The following ZNF385D variants were observed in gnomAD, a reference collection of about 807,000 sequenced individuals.
ZNF385D encodes the protein zinc finger protein 659.
Under a neutral mutation model 35.8 loss-of-function variants are expected in ZNF385D, and 15 were observed. The observed-to-expected ratio is 0.42, with a 90% CI of 0.28 to 0.64. ZNF385D has a LOEUF of 0.64. Ranked by LOEUF, ZNF385D falls within the 30% of genes least tolerant of loss-of-function variation. The pLI is 0.23. For missense variants in ZNF385D, 474 were observed against 494.6 expected (o/e 0.96, Z 0.39); for synonymous variants, 212 against 186.8 (o/e 1.13, Z -1.10).
At chr3:22,119,630 C>T (rs1237672574) in intron 3 of ZNF385D, among the ~76,000 whole-genome samples, 1 of 152,052 alleles carries the variant, frequency 6.6e-6, no homozygotes, top group African/African-American at 2.4e-5. Context: ...GCTTTTATAG[C>T]TAGCTTATGG....
intron 2 of ZNF385D, among the ~76,000 whole-genome samples, chr3:21,619,914 A>G (rs1182976139): frequency 6.6e-6 from 1 of 152,176 alleles, no homozygotes; most frequent in East Asian, 1.9e-4. Flanking sequence ...GGTTCTTTGC[A>G]TGCAGCAGCC....
intron 3 of ZNF385D, among the ~76,000 whole-genome samples, chr3:21,796,372 A>G (rs2072151368): frequency 6.6e-6 from 1 of 152,200 alleles, no homozygotes; most frequent in African/African-American, 2.4e-5. Flanking sequence ...ATAAATATAA[A>G]TGCAAAAATC....
At chr3:21,965,743 G>C (rs1414973260) in intron 3 of ZNF385D, among the ~76,000 whole-genome samples, 1 of 152,146 alleles carries the variant, frequency 6.6e-6, no homozygotes, top group Non-Finnish European at 1.5e-5. Context: ...AACTTCTGTG[G>C]TAAGAGGATA....
intron 3 of ZNF385D, among the ~76,000 whole-genome samples, chr3:21,990,431 A>G (rs1695086236): frequency 6.6e-6 from 1 of 152,192 alleles, no homozygotes; most frequent in Non-Finnish European, 1.5e-5. Flanking sequence ...AGCTCATAAT[A>G]TTGCCTGTGC....
chr3:21,758,023 T>C (rs1415965835), intron 3 of ZNF385D, among the ~76,000 whole-genome samples: 1 of 152,204 alleles, frequency 6.6e-6, no homozygotes, highest in Non-Finnish European at 1.5e-5. Flanking sequence ...CCTTTTCTGT[T>C]CCCCTTTATT....
chr3:21,916,439 A>G (rs956748417), intron 3 of ZNF385D, among the ~76,000 whole-genome samples: 7 of 152,154 alleles, frequency 4.6e-5, no homozygotes, highest in Non-Finnish European at 7.4e-5. Context: ...CTTATGTCTA[A>G]AATATAATCT....
At chr3:22,363,244 G>A (rs906366599) in intron 2 of ZNF385D, among the ~76,000 whole-genome samples, 1 of 152,046 alleles carries the variant, frequency 6.6e-6, no homozygotes, top group Non-Finnish European at 1.5e-5. Context: ...TCCCCAAAGA[G>A]TCAAGCAGAC....
chr3:22,194,887 A>G (rs1441619546), intron 2 of ZNF385D, among the ~76,000 whole-genome samples: 1 of 151,916 alleles, frequency 6.6e-6, no homozygotes, highest in East Asian at 1.9e-4. Flanking sequence ...TTGCATATTC[A>G]TTCACCCCTT....
chr3:21,592,320 A>G (rs1174973416), intron 2 of ZNF385D, among the ~76,000 whole-genome samples: 1 of 152,042 alleles, frequency 6.6e-6, no homozygotes, highest in Non-Finnish European at 1.5e-5. Flanking sequence ...TCAGTATTCC[A>G]TCTGTATTCC....
chr3:21,685,151 A>C (rs2067064732), intron 1 of ZNF385D, among the ~76,000 whole-genome samples: 1 of 152,200 alleles, frequency 6.6e-6, no homozygotes, highest in African/African-American at 2.4e-5. Flanking sequence ...TTATTATTTC[A>C]AACAATTTCC....
chr3:21,578,094 G>A (rs2063547078), intron 2 of ZNF385D, among the ~76,000 whole-genome samples: 1 of 152,038 alleles, frequency 6.6e-6, no homozygotes, highest in Admixed American at 6.5e-5. Flanking sequence ...GGGACTACAG[G>A]TGCAAGCCAC....
rs1372248726 is a variant in ZNF385D, at chr3:21,846,765, C to T, written c.326-181737G>A. Reference sequence around the variant, plus strand: ...AAGGCTCAAAGAAGTGGCTTTCTAGCGGCTTAATGGTGCGCCCAGGAGAAG... The same window carrying T: ...AAGGCTCAAAGAAGTGGCTTTCTAGTGGCTTAATGGTGCGCCCAGGAGAAG... On this transcript the variant is annotated intron_variant, in intron 3 of 5. Transcript: ENST00000494108. Among the ~76,000 whole-genome samples, 7 of 152,044 alleles carry T rather than the reference C, an allele frequency of 4.6e-5. No individual in the cohort carries two copies. The East Asian group carries it at 1.2e-3, about 25-fold the overall frequency.
intron 2 of ZNF385D, among the ~76,000 whole-genome samples, chr3:22,257,134 A>G (rs1482903850): frequency 6.6e-6 from 1 of 151,794 alleles, no homozygotes; most frequent in Non-Finnish European, 1.5e-5. Context: ...TTGTACAGTA[A>G]TTTTTCAATA....
At chr3:22,147,735 A>G (rs1341838499) in intron 3 of ZNF385D, among the ~76,000 whole-genome samples, 1 of 152,098 alleles carries the variant, frequency 6.6e-6, no homozygotes, top group African/African-American at 2.4e-5. Context: ...CTCAGCAAAT[A>G]TTTTCTCCAC....
At chr3:21,741,030 G>A (rs1298109173) in intron 1 of ZNF385D, among the ~76,000 whole-genome samples, 1 of 151,658 alleles carries the variant, frequency 6.6e-6, no homozygotes, top group East Asian at 1.9e-4. Context: ...AGGTGCCAAT[G>A]GAATAACTCA....
chr3:22,347,120 A>G (rs1575167428), intron 2 of ZNF385D, among the ~76,000 whole-genome samples: 1 of 152,126 alleles, frequency 6.6e-6, no homozygotes, highest in Non-Finnish European at 1.5e-5. Flanking sequence ...TTTGCACCAT[A>G]TTGTATGTTT....
Position 22,213,244 on chromosome 3 carries a change from T to C in ZNF385D, c.107-44209A>G, listed in dbSNP as rs571245958. Among the ~76,000 whole-genome samples, 4 of 151,954 alleles carry C rather than the reference T, an allele frequency of 2.6e-5. No homozygotes were observed. In the East Asian group the frequency reaches 7.8e-4, roughly 29 times the overall value. The stretch of plus-strand genomic sequence containing the variant: ...CTTTCTCTCAAAGGACAGATAGGCT[T>C]TGTGGGCCACATACAGTCTCTGATG... On this transcript the variant is annotated intron_variant, in intron 2 of 5. Transcript: ENST00000494108.
At position 22,111,167 on chromosome 3, in the gene ZNF385D, T is replaced by G. The variant is rs1052378673; in HGVS notation, c.325+57650A>C. Among the ~76,000 whole-genome samples the G allele has an allele frequency of 1.5e-4, 14 of 95,166 alleles. 1 individual carries two copies. The highest frequency in any genetic ancestry group is 6.6e-4 in the South Asian group (2 of 3,048). The allele number at this position is 95,166 out of a possible 152,430, so 62.4% of individuals were successfully genotyped here. A position where few individuals can be genotyped will look rare whatever the true frequency, so the allele number is the denominator to read the frequency against. ...TCCATGTTGGATTTTTTTTTTTTTT[T>G]TTTTTTTTTGTTTTTTTTGTACTCT... On this transcript the variant is annotated intron_variant, in intron 3 of 5. Transcript: ENST00000494108.
chr3:21,713,794 A>T (rs2068208825), intron 1 of ZNF385D, among the ~76,000 whole-genome samples: 2 of 152,156 alleles, frequency 1.3e-5, no homozygotes, highest in Non-Finnish European at 2.9e-5. Flanking sequence ...GCATTTTGTC[A>T]TTACCAATAA....
Sources: allele counts gnomAD v4.1 joint callset (sites outside exome capture counted in the v4.1 genomes callset), GRCh38; gene constraint gnomAD v4.1.1; transcripts MANE v1.5; gene names NCBI Gene and HGNC (gene_info 2026-07-23, HGNC 2026-07-21).